Variants in VRK3 observed in about 807,000 individuals in gnomAD.
VRK3 encodes VRK serine/threonine kinase 3.
In VRK3, 50 loss-of-function variants were observed where a neutral mutation model predicts 60.4. The ratio of observed to expected loss-of-function variants is 0.83; its 90% CI spans 0.66 to 1.05. VRK3 has a LOEUF of 1.05. Among genes scored for constraint, VRK3 ranks in the 50% least tolerant of loss-of-function variants. The pLI is 0.00. For synonymous variants in VRK3, 246 were observed against 227.8 expected (o/e 1.08, Z -0.72); for missense variants, 549 against 585.3 (o/e 0.94, Z 0.64).
In VRK3 at chr19:49,976,774, A is replaced by G. The variant is rs2076337494; in HGVS notation, c.*22T>C. ...TTTTTTTTTTCTGTTGCACACTGCAAATGGAAAGTTCTGGAAGACAATAAA... is the reference window on the plus strand; with the variant it reads ...TTTTTTTTTTCTGTTGCACACTGCAGATGGAAAGTTCTGGAAGACAATAAA... On this transcript the variant is annotated 3_prime_UTR_variant, in exon 15 of 15. Transcript: ENST00000316763. The G allele has an allele frequency of 6.6e-6, 1 of 152,280 alleles. No individual in the cohort carries two copies. Among genetic ancestry groups the G allele is most frequent in the South Asian group, 2.1e-4 (1 of 4,832 alleles). 9.4% of individuals were successfully genotyped at this position (152,280 alleles called of 1,614,324 possible).
At chr19:50,014,949 G>A (rs549794822) in intron 3 of VRK3, among the ~76,000 whole-genome samples, 5 of 152,276 alleles carry the variant, frequency 3.3e-5, no homozygotes, top group East Asian at 3.9e-4. Flanking sequence ...GGATGTGGGA[G>A]GTGCGGAGAA....
intron 10 of VRK3, among the ~76,000 whole-genome samples, chr19:49,990,080 CTT>C (rs2076584618): frequency 6.6e-6 from 1 of 150,748 alleles, no homozygotes; most frequent in Admixed American, 6.6e-5. Context: ...GGAGGGGGCT[CTT>C]GTTTTCCACA....
intron 5 of VRK3, among the ~76,000 whole-genome samples, chr19:50,003,183 C>T (rs1260195081): frequency 6.6e-6 from 1 of 152,186 alleles, no homozygotes; most frequent in Non-Finnish European, 1.5e-5. Flanking sequence ...CCATGCCTTC[C>T]ACCTCCCCAG....
At chr19:50,009,640 G>C (rs2076961463) in intron 3 of VRK3, among the ~76,000 whole-genome samples, 1 of 152,006 alleles carries the variant, frequency 6.6e-6, no homozygotes, top group African/African-American at 2.4e-5. Context: ...GTCTTTATAT[G>C]TATGTATATT....
In VRK3 at chr19:49,992,282, C is replaced by T. The variant is rs190222945; in HGVS notation, c.963+578G>A. On this transcript the variant is annotated intron_variant, in intron 10 of 14. Transcript: ENST00000316763. ...ATTAGCTAGGCGTAGTGGCGCATGC[C>T]TGTAATCCCAGCTACTCAGGAGGCT... Among the ~76,000 whole-genome samples the T allele has an allele frequency of 4.9e-3, 741 of 152,334 alleles. 2 individuals carry two copies. The highest frequency in any genetic ancestry group is 0.01 in the Middle Eastern group (3 of 294).
chr19:50,017,703 A>C (rs2077100954), intron 2 of VRK3, among the ~76,000 whole-genome samples: 2 of 152,010 alleles, frequency 1.3e-5, no homozygotes, highest in Non-Finnish European at 2.9e-5. Context: ...ATAGGGTCTC[A>C]CTCTGTCACC....
chr19:49,990,735 G>C (rs8102461), intron 10 of VRK3, among the ~76,000 whole-genome samples: 7,943 of 151,870 alleles, frequency 0.052, 682 homozygotes, highest in African/African-American at 0.18. Flanking sequence ...ACACTTCCCC[G>C]GCTCCCTGTT....
At position 49,982,127 on chromosome 19, in the gene VRK3, G is replaced by T. The variant is rs73932225; in HGVS notation, c.1218-1114C>A. The T allele has an allele frequency of 0.017, 11,980 of 702,872 alleles. 1,002 individuals carry two copies. In the African/African-American group the frequency reaches 0.18, roughly 11 times the overall value. The allele number at this position is 702,872 out of a possible 1,614,324, so 43.5% of individuals were successfully genotyped here. ...TGGAAAACTGCAAACTGCTGACGGTGACCGAGCCTTGTTTCTGGCATGACA... is the reference window on the plus strand; with the variant it reads ...TGGAAAACTGCAAACTGCTGACGGTTACCGAGCCTTGTTTCTGGCATGACA... On this transcript the variant is annotated intron_variant, in intron 12 of 14. Coordinates refer to ENST00000316763, the MANE Select transcript of VRK3 (RefSeq NM_016440.4).
rs2122163627 is a variant in VRK3 at position 49,995,286 on chromosome 19, C to G, written c.680-11G>C. On this transcript the variant is annotated splice_polypyrimidine_tract_variant and intron_variant, in intron 7 of 14. Transcript: ENST00000316763. ...TCTTCCACTTGTTGACTGCGGAAAG[C>G]AGGGGCTTGAGGTTAGAACCCACCC... 1 of 1,613,970 alleles carries G rather than the reference C, an allele frequency of 6.2e-7. No homozygotes were observed. The highest frequency in any genetic ancestry group is 1.1e-5 in the South Asian group (1 of 91,038).
intron 12 of VRK3, among the ~76,000 whole-genome samples, chr19:49,982,816 G>GA (rs769395566): frequency 2.7e-4 from 41 of 152,130 alleles, no homozygotes; most frequent in Admixed American, 5.9e-4. Context: ...GTTTGTTCAG[G>GA]AAAAATCCTG....
Position 49,979,112 on chromosome 19 carries a change from G to T in VRK3, c.1407C>A (p.Gly469=), listed in dbSNP as rs140365927. 147 of 1,611,644 alleles carry T rather than the reference G, an allele frequency of 9.1e-5. No individual in the cohort carries two copies. The highest frequency in any genetic ancestry group is 6.2e-4 in the Admixed American group (37 of 59,816). Residue 469 remains glycine (G), a synonymous_variant, in exon 14 of 15, where the codon GGC becomes GGA. Coordinates refer to ENST00000316763, the MANE Select transcript of VRK3 (RefSeq NM_016440.4). ...ATTCCACCTAGGGCACCATCGGGAGGCCAATGGGGTCATATGGAGACACAC... is the reference window on the plus strand; with the variant it reads ...ATTCCACCTAGGGCACCATCGGGAGTCCAATGGGGTCATATGGAGACACAC... The part of the protein sequence containing the change: ...DLRVSPYDPI[G]LPMVP
intron 2 of VRK3, among the ~76,000 whole-genome samples, chr19:50,020,035 C>A (rs1369195665): frequency 6.7e-6 from 1 of 150,258 alleles, no homozygotes; most frequent in Non-Finnish European, 1.5e-5. Flanking sequence ...CGCTACCACA[C>A]CCAGCTAATT....
chr19:50,016,089 G>T lies in VRK3; in HGVS notation c.74C>A (p.Ser25Tyr). 2 of 1,614,234 alleles carry T rather than the reference G, an allele frequency of 1.2e-6. No individual in the cohort carries two copies. Among genetic ancestry groups the T allele is most frequent in the Non-Finnish European group, 1.7e-6 (2 of 1,180,044 alleles). The change falls in exon 3 of 15, where the codon TCT (serine) becomes TAT (tyrosine). Residue 25 changes from serine to tyrosine, a missense_variant. Coordinates refer to ENST00000316763, the MANE Select transcript of VRK3 (RefSeq NM_016440.4). ...CCCTACATGCTCCTCTACAGGCAAA[G>T]AATTTCCACAGTAGGGGCAGAATTT... ...AFKFCPYCGNSLPVEEHVGSQ... is the reference protein window; with the variant it reads ...AFKFCPYCGNYLPVEEHVGSQ...
chr19:49,984,788 C>T (rs7260478), intron 12 of VRK3, among the ~76,000 whole-genome samples: 18,320 of 152,116 alleles, frequency 0.12, 1,416 homozygotes, highest in East Asian at 0.29. Context: ...CGTGCCACCA[C>T]ACCCGGCTAC....
Position 50,020,093 on chromosome 19 carries a change from T to C in VRK3, c.-2+492A>G, listed in dbSNP as rs1600728573. 2.0e-5 allele frequency among the ~76,000 whole-genome samples: 3 copies of C among 150,864 alleles called. No individual in the cohort carries two copies. In the Admixed American group the frequency reaches 2.0e-4, roughly 10 times the overall value. On this transcript the variant is annotated intron_variant, in intron 2 of 14. Coordinates refer to ENST00000316763, the MANE Select transcript of VRK3 (RefSeq NM_016440.4). Reference sequence around the variant, plus strand: ...TTTGCTCTTGTTGCCCAGGCTGGAGTGTAGTGGTGCAATCTCAGCTCACTG... The same window carrying C: ...TTTGCTCTTGTTGCCCAGGCTGGAGCGTAGTGGTGCAATCTCAGCTCACTG...
chr19:49,988,560 C>T (rs2076557559), intron 11 of VRK3, 68 bp from the exon 12 acceptor site: 2 of 1,563,572 alleles, frequency 1.3e-6, no homozygotes, highest in Admixed American at 1.8e-5. Flanking sequence ...GTCCACCCCC[C>T]TTCCTTCCCC....
intron 14 of VRK3, among the ~76,000 whole-genome samples, chr19:49,977,186 C>T (rs1286246981): frequency 1.3e-5 from 2 of 151,534 alleles, no homozygotes; most frequent in Non-Finnish European, 2.9e-5. Flanking sequence ...TGGGGTCCAG[C>T]TTGGCCTGGT....
At chr19:50,008,391 G>A (rs552515269) in intron 4 of VRK3, among the ~76,000 whole-genome samples, 5 of 152,244 alleles carry the variant, frequency 3.3e-5, no homozygotes, top group Admixed American at 2.0e-4. Context: ...AAAAGACATC[G>A]CTTACTCTGT....
chr19:49,993,288 A>C (rs2076643760), intron 9 of VRK3, among the ~76,000 whole-genome samples: 1 of 152,238 alleles, frequency 6.6e-6, no homozygotes, highest in African/African-American at 2.4e-5. Flanking sequence ...TGGATATCAA[A>C]GAGCTCTTCT....
Sources: gnomAD v4.1 joint callset for allele counts (sites outside exome capture counted in the v4.1 genomes callset) on GRCh38, gnomAD v4.1.1 for gene constraint, MANE v1.5 for transcripts, NCBI Gene and HGNC (gene_info 2026-07-23, HGNC 2026-07-21) for gene names.